CNTNAP3B: variants seen among roughly 807,000 people sequenced by gnomAD.
The protein encoded by CNTNAP3B is contactin-associated protein-like 3B.
CNTNAP3B carries 25 observed loss-of-function variants against 108.9 expected under a neutral mutation model. The observed-to-expected ratio is 0.23, with a 90% CI of 0.17 to 0.32. The LOEUF (loss-of-function observed/expected upper bound fraction) is 0.32. Ranked by LOEUF, CNTNAP3B falls within the 10% of genes least tolerant of loss-of-function variation. CNTNAP3B has a pLI of 1.00. For missense variants in CNTNAP3B, 252 were observed against 1,210.4 expected, an observed-to-expected ratio of 0.21 and a Z score of 11.75; for synonymous variants, 103 against 473.4, an observed-to-expected ratio of 0.22 and a Z score of 10.16.
At chr9:41,935,371 A>C (rs1470434050) in intron 14 of CNTNAP3B, among the ~76,000 whole-genome samples, 1 of 152,256 alleles carries the variant, frequency 6.6e-6, no homozygotes, top group Non-Finnish European at 1.5e-5. Flanking sequence ...AATAGCTTTC[A>C]CTTTACTTTC....
intron 13 of CNTNAP3B, among the ~76,000 whole-genome samples, chr9:41,945,726 C>T (rs894568294): frequency 6.6e-6 from 1 of 152,296 alleles, no homozygotes; most frequent in Admixed American, 6.5e-5. Context: ...AACAAACCTG[C>T]ATGTTGTGCA....
intron 12 of CNTNAP3B, among the ~76,000 whole-genome samples, chr9:41,953,754 CTA>C (rs1163927383): frequency 8.7e-6 from 1 of 114,844 alleles, no homozygotes; most frequent in Non-Finnish European, 1.9e-5. Context: ...GTATGTGCCT[CTA>C]TTTCTTTCAT....
At chr9:41,931,989 CTT>C (rs1823991829) in intron 14 of CNTNAP3B, among the ~76,000 whole-genome samples, 1 of 152,164 alleles carries the variant, frequency 6.6e-6, no homozygotes, top group Non-Finnish European at 1.5e-5. Context: ...ATAATAAAGT[CTT>C]GTTTTTTCAT....
intron 3 of CNTNAP3B, among the ~76,000 whole-genome samples, chr9:42,060,027 G>T (rs1248441574): frequency 1.3e-5 from 2 of 150,826 alleles, no homozygotes; most frequent in South Asian, 2.1e-4. Context: ...TCTTTTTCTT[G>T]TCTAATTGTT....
intron 3 of CNTNAP3B, among the ~76,000 whole-genome samples, chr9:42,036,978 T>A (rs1227951253): frequency 7.3e-6 from 1 of 137,176 alleles, no homozygotes; most frequent in Non-Finnish European, 1.6e-5. Flanking sequence ...GACCTGCAGC[T>A]GAGGGTCCTG....
At chr9:41,931,719 C>T (rs562904364) in intron 14 of CNTNAP3B, among the ~76,000 whole-genome samples, 17 of 150,186 alleles carry the variant, frequency 1.1e-4, no homozygotes, top group African/African-American at 3.7e-4. Context: ...AATATGTCTC[C>T]TGCTGAATGA....
chr9:41,958,501 G>T (rs1444963987), intron 12 of CNTNAP3B, among the ~76,000 whole-genome samples: 6 of 151,902 alleles, frequency 3.9e-5, no homozygotes, highest in Admixed American at 3.9e-4. Context: ...AAAGAGGCCT[G>T]CAGTACTATA....
At position 42,095,024 on chromosome 9, in the gene CNTNAP3B, G is replaced by A. The variant is rs956811044; in HGVS notation, c.196+9605C>T. On this transcript the variant is annotated intron_variant, in intron 2 of 23. Transcript: ENST00000377561. ...ACCTCAAATATGTATCATTCTTTTA[G>A]CGGTGAGAATAGTTAAAATTCTCTC... Among the ~76,000 whole-genome samples the A allele has an allele frequency of 1.8e-4, 22 of 119,864 alleles. 2 individuals carry two copies. Among genetic ancestry groups the A allele is most frequent in the Admixed American group, 1.5e-3 (18 of 11,684 alleles). 78.6% of individuals were successfully genotyped at this position (119,864 alleles called of 152,430 possible). A position where few individuals can be genotyped will look rare whatever the true frequency, so the allele number is the denominator to read the frequency against.
chr9:41,977,786 A>T (rs1373540467), intron 9 of CNTNAP3B, among the ~76,000 whole-genome samples: 2 of 90,532 alleles, frequency 2.2e-5, no homozygotes, highest in East Asian at 3.9e-4. Context: ...TGCCCAGCTA[A>T]TTTTTTTTTT....
intron 18 of CNTNAP3B, among the ~76,000 whole-genome samples, chr9:41,917,964 G>A (rs1490392639): frequency 4.9e-4 from 72 of 145,850 alleles, no homozygotes; most frequent in East Asian, 2.1e-3. Context: ...AACTCTCACT[G>A]TTATTACTGA....
intron 2 of CNTNAP3B, among the ~76,000 whole-genome samples, chr9:42,089,514 T>C (rs1339811808): frequency 6.9e-6 from 1 of 144,876 alleles, no homozygotes; most frequent in Admixed American, 6.8e-5. Context: ...CTTTTATTTA[T>C]TAATATGATT....
chr9:42,077,745 C>A (rs1264405632), intron 2 of CNTNAP3B, among the ~76,000 whole-genome samples: 1 of 109,206 alleles, frequency 9.2e-6, no homozygotes, highest in African/African-American at 3.8e-5. Context: ...CTGGGGCAAG[C>A]CTCACACAGC....
intron 4 of CNTNAP3B, among the ~76,000 whole-genome samples, chr9:42,002,539 T>C (rs1388205499): frequency 9.4e-6 from 1 of 106,162 alleles, no homozygotes; most frequent in Non-Finnish European, 2.0e-5. Context: ...AAGAACTGTG[T>C]CAGAAGTAAT....
In CNTNAP3B at chr9:42,012,976, G is replaced by A. The variant is rs1364047260; in HGVS notation, c.538+402C>T. 3.2e-5 allele frequency among the ~76,000 whole-genome samples: 3 copies of A among 94,926 alleles called. 1 individual carries two copies. The highest frequency in any genetic ancestry group is 6.6e-5 in the Non-Finnish European group (3 of 45,738). The allele number at this position is 94,926 out of a possible 152,430, so 62.3% of individuals were successfully genotyped here. A position where few individuals can be genotyped will look rare whatever the true frequency, so the allele number is the denominator to read the frequency against. On this transcript the variant is annotated intron_variant, in intron 4 of 23. Transcript: ENST00000377561. Reference sequence around the variant, plus strand: ...AAAACACAGAGAACCAAGAGATTGCGAGAAATCACACCCTGCCCCCAGTAC... The same window carrying A: ...AAAACACAGAGAACCAAGAGATTGCAAGAAATCACACCCTGCCCCCAGTAC...
Position 42,112,230 on chromosome 9 carries a change from GCTCAA to G in CNTNAP3B, c.86-7496_86-7492del, listed in dbSNP as rs1307192378. ...GTTCCCATCACTTATTATCTTCAGG[GCTCAA>G]CTCAAGTTTTGTCTCTGCTCTGAAG... is the stretch of plus-strand genomic sequence containing the variant. On this transcript the variant is annotated intron_variant, in intron 1 of 23. Coordinates refer to ENST00000377561, the MANE Select transcript of CNTNAP3B (RefSeq NM_001201380.3). Among the ~76,000 whole-genome samples, 2 of 139,602 alleles carry G rather than the reference GCTCAA, an allele frequency of 1.4e-5. 1 individual carries two copies. The highest frequency in any genetic ancestry group is 3.1e-5 in the Non-Finnish European group (2 of 65,012). The allele number at this position is 139,602 out of a possible 152,430, so 91.6% of individuals were successfully genotyped here. A position where few individuals can be genotyped will look rare whatever the true frequency, so the allele number is the denominator to read the frequency against.
chr9:42,094,278 A>T lies in CNTNAP3B; in HGVS notation c.196+10351T>A, dbSNP rs1827855122. 1.5e-5 allele frequency among the ~76,000 whole-genome samples: 2 copies of T among 137,490 alleles called. 1 individual carries two copies. Among genetic ancestry groups the T allele is most frequent in the Non-Finnish European group, 3.1e-5 (2 of 64,518 alleles). The allele number at this position is 137,490 out of a possible 152,430, so 90.2% of individuals were successfully genotyped here. On this transcript the variant is annotated intron_variant, in intron 2 of 23. Transcript: ENST00000377561. ...ATCTAGATTAGGTCTGGCAGCCAAA[A>T]TCTAGGTTATGACCTGTTTATATAG...
Position 42,002,377 on chromosome 9 carries a change from C to T in CNTNAP3B, c.539-3773G>A, listed in dbSNP as rs1333930237. On this transcript the variant is annotated intron_variant, in intron 4 of 23. Transcript: ENST00000377561. ...CTCATTTTCTTGTGTTAGAGGACCA[C>T]GAGAGTTTTTAAATGATACTTGAAG... 1.6e-4 allele frequency among the ~76,000 whole-genome samples: 12 copies of T among 74,808 alleles called. 4 individuals are homozygous for T. The highest frequency in any genetic ancestry group is 4.1e-4 in the African/African-American group (8 of 19,332). The allele number at this position is 74,808 out of a possible 152,430, so 49.1% of individuals were successfully genotyped here. A position where few individuals can be genotyped will look rare whatever the true frequency, so the allele number is the denominator to read the frequency against.
rs1216202831 is a variant in CNTNAP3B, at chr9:41,932,449, A to G, written c.2238-3005T>C. On this transcript the variant is annotated intron_variant, in intron 14 of 23. Transcript: ENST00000377561. ...ACTTTATTTAAGGCAAAGTAGAGCC[A>G]TAAGTTTGGGAGGTTGCAAAGAAAG... is the stretch of plus-strand genomic sequence containing the variant. Among the ~76,000 whole-genome samples, 1,398 of 150,968 alleles carry G rather than the reference A, an allele frequency of 9.3e-3. 2 individuals are homozygous for G. The highest frequency in any genetic ancestry group is 0.014 in the Non-Finnish European group (913 of 67,296).
At chr9:42,001,117 A>C (rs1250054639) in intron 4 of CNTNAP3B, among the ~76,000 whole-genome samples, 1 of 51,644 alleles carries the variant, frequency 1.9e-5, no homozygotes, top group East Asian at 5.6e-4. Context: ...CAAAAGTCAT[A>C]CTTTTAGCAT....
Sources: allele counts gnomAD v4.1 joint callset (sites outside exome capture counted in the v4.1 genomes callset), GRCh38; gene constraint gnomAD v4.1.1; transcripts MANE v1.5; gene names NCBI Gene and HGNC (gene_info 2026-07-23, HGNC 2026-07-21).